The following PRKN variants were observed in gnomAD, a reference collection of about 807,000 sequenced individuals.
PRKN encodes the protein E3 ubiquitin-protein ligase parkin.
A neutral mutation model predicts 59.5 loss-of-function variants in PRKN; 56 were observed. That is an observed-to-expected ratio of 0.94 (90% confidence interval 0.76 to 1.18). The LOEUF (loss-of-function observed/expected upper bound fraction) is 1.18. Ranked by LOEUF, PRKN falls within the 50% of genes most tolerant of loss-of-function variation. The pLI, the probability that PRKN is intolerant of heterozygous loss-of-function variation, is 0.00. For synonymous variants in PRKN, 250 were observed against 222.1 expected (o/e 1.13, Z -1.12); for missense variants, 657 against 596.4 (o/e 1.10, Z -1.06).
At position 162,223,772 on chromosome 6, in the gene PRKN, C is replaced by T. The variant is rs537001558; in HGVS notation, c.413-22520G>A. On this transcript the variant is annotated intron_variant, in intron 3 of 11. Coordinates refer to ENST00000366898, the MANE Select transcript of PRKN (RefSeq NM_004562.3). Reference sequence around the variant, plus strand: ...TGGTTTTTCCCCCTGAAATGTCATTCCCACAGCTCTACCTGTAAAATTTGT... The same window carrying T: ...TGGTTTTTCCCCCTGAAATGTCATTTCCACAGCTCTACCTGTAAAATTTGT... 6.6e-4 allele frequency among the ~76,000 whole-genome samples: 100 copies of T among 152,180 alleles called. 1 individual carries two copies. The highest frequency in any genetic ancestry group is 2.0e-3 in the African/African-American group (82 of 41,502).
chr6:162,718,297 A>G (rs1284555210), intron 1 of PRKN, among the ~76,000 whole-genome samples: 1 of 152,188 alleles, frequency 6.6e-6, no homozygotes, highest in African/African-American at 2.4e-5. Flanking sequence ...TATTAAGCAT[A>G]AGATGATTAA....
chr6:161,808,896 G>A (rs925412740), intron 6 of PRKN, among the ~76,000 whole-genome samples: 3 of 152,052 alleles, frequency 2.0e-5, no homozygotes, highest in Non-Finnish European at 4.4e-5. Flanking sequence ...GCTGGAGCGC[G>A]GTGGTGCGAT....
At chr6:161,696,837 G>T (rs552403710) in intron 7 of PRKN, among the ~76,000 whole-genome samples, 1 of 152,234 alleles carries the variant, frequency 6.6e-6, no homozygotes, top group South Asian at 2.1e-4. Context: ...AATGATATTT[G>T]CATGCTCAGT....
In PRKN at chr6:162,160,285, A is replaced by G. The variant is rs187687670; in HGVS notation, c.534+40846T>C. Among the ~76,000 whole-genome samples, 366 of 152,328 alleles carry G rather than the reference A, an allele frequency of 2.4e-3. 10 individuals carry two copies. Among genetic ancestry groups the G allele is most frequent in the Admixed American group, 0.023 (359 of 15,298 alleles). On this transcript the variant is annotated intron_variant, in intron 4 of 11. Transcript: ENST00000366898. ...AACAAATAAAATATATGGATGGCAA[A>G]TAACAACAATCACTGATGGTCAATA...
intron 7 of PRKN, among the ~76,000 whole-genome samples, chr6:161,613,748 G>C (rs1256916810): frequency 6.6e-6 from 1 of 152,206 alleles, no homozygotes; most frequent in African/African-American, 2.4e-5. Flanking sequence ...GGCTGGAACT[G>C]AATCTGCAAT....
intron 11 of PRKN, among the ~76,000 whole-genome samples, chr6:161,351,307 A>G (rs913915106): frequency 2.0e-5 from 3 of 150,350 alleles, no homozygotes; most frequent in Non-Finnish European, 4.4e-5. Context: ...CTGGGATAGC[A>G]TATTGTAATT....
chr6:161,892,706 T>C (rs887053977), intron 6 of PRKN, among the ~76,000 whole-genome samples: 4 of 152,128 alleles, frequency 2.6e-5, no homozygotes, highest in African/African-American at 9.7e-5. Context: ...GCCACTGCAC[T>C]CCAGCCTTGG....
intron 9 of PRKN, among the ~76,000 whole-genome samples, chr6:161,541,522 G>A (rs1187227267): frequency 6.6e-6 from 1 of 152,186 alleles, no homozygotes; most frequent in Non-Finnish European, 1.5e-5. Context: ...TTACGATTTT[G>A]AAAGAGTATA....
intron 7 of PRKN, among the ~76,000 whole-genome samples, chr6:161,680,801 AAC>A (rs1456667264): frequency 8.5e-6 from 1 of 117,790 alleles, no homozygotes; most frequent in Non-Finnish European, 1.7e-5. Flanking sequence ...CTTTTCCTAA[AAC>A]AACATGGAAA....
chr6:161,553,774 T>C (rs534281136), intron 8 of PRKN, among the ~76,000 whole-genome samples: 4 of 152,342 alleles, frequency 2.6e-5, no homozygotes, highest in Non-Finnish European at 5.9e-5. Flanking sequence ...GTGTTTTAAC[T>C]CAATGCAGTG....
chr6:162,240,821 A>G (rs1209170490), intron 3 of PRKN, among the ~76,000 whole-genome samples: 8 of 152,206 alleles, frequency 5.3e-5, no homozygotes, highest in Admixed American at 4.6e-4. Context: ...CCAAAGTACC[A>G]TTCAGTTCAA....
intron 6 of PRKN, among the ~76,000 whole-genome samples, chr6:161,874,719 C>CAATATATATAAAATATAT (rs1562355773): frequency 4.2e-3 from 351 of 84,122 alleles, no homozygotes; most frequent in African/African-American, 6.5e-3. Flanking sequence ...ATAAAATGTA[C>CAATATATATAAAATATAT]AATATATAAA....
intron 9 of PRKN, among the ~76,000 whole-genome samples, chr6:161,506,969 A>G (rs1778197787): frequency 6.6e-6 from 1 of 152,206 alleles, no homozygotes; most frequent in Non-Finnish European, 1.5e-5. Context: ...TTAAGCCTCC[A>G]GAGAAGAGAC....
intron 6 of PRKN, among the ~76,000 whole-genome samples, chr6:161,941,951 T>C (rs944444010): frequency 6.6e-6 from 1 of 152,232 alleles, no homozygotes; most frequent in Non-Finnish European, 1.5e-5. Flanking sequence ...GTGGGTGTTT[T>C]AATTTTGGTC....
chr6:161,397,226 T>A lies in PRKN; in HGVS notation c.1084-10349A>T, dbSNP rs1417621560. On this transcript the variant is annotated intron_variant, in intron 9 of 11. Coordinates refer to ENST00000366898, the MANE Select transcript of PRKN (RefSeq NM_004562.3). The surrounding 1 kb of genome is among the most constrained non-coding windows in gnomAD (Gnocchi z 4.2). ...GCTAGAACATAGTAGGTGATCAGTG[T>A]CTCTTTGTGGCAATCCAGGTGCTGG... Among the ~76,000 whole-genome samples the A allele has an allele frequency of 6.6e-6, 1 of 152,178 alleles. No homozygotes were observed. Among genetic ancestry groups the A allele is most frequent in the African/African-American group, 2.4e-5 (1 of 41,426 alleles).
intron 6 of PRKN, among the ~76,000 whole-genome samples, chr6:161,944,367 G>A (rs1779704654): frequency 6.6e-6 from 1 of 152,180 alleles, no homozygotes; most frequent in Admixed American, 6.5e-5. Flanking sequence ...GTCTTAAACA[G>A]GGCCACATTC....
chr6:161,633,393 C>T (rs1235497407), intron 7 of PRKN, among the ~76,000 whole-genome samples: 5 of 152,172 alleles, frequency 3.3e-5, no homozygotes, highest in South Asian at 2.1e-4. Flanking sequence ...TACTATATTC[C>T]CCTTAGCAAC....
chr6:161,634,198 C>G (rs113917141), intron 7 of PRKN, among the ~76,000 whole-genome samples: 2 of 152,180 alleles, frequency 1.3e-5, no homozygotes, highest in African/African-American at 4.8e-5. Flanking sequence ...AGCACATCCC[C>G]TTGTCGGCCT....
At chr6:162,543,585 C>T (rs1779005458) in intron 1 of PRKN, among the ~76,000 whole-genome samples, 1 of 152,110 alleles carries the variant, frequency 6.6e-6, no homozygotes, top group South Asian at 2.1e-4. Context: ...AACAAAAGGA[C>T]CTTCCCCCAA....
Sources: gnomAD v4.1 joint callset for allele counts (sites outside exome capture counted in the v4.1 genomes callset) on GRCh38, gnomAD v4.1.1 for gene constraint, Gnocchi (gnomAD v3.1) non-coding constraint, MANE v1.5 for transcripts, NCBI Gene and HGNC (gene_info 2026-07-23, HGNC 2026-07-21) for gene names.